The following SOX5 variants were observed in gnomAD, a reference collection of about 807,000 sequenced individuals.
The protein encoded by SOX5 is SRY-box transcription factor 5.
SOX5 carries 9 observed loss-of-function variants against 92.0 expected under a neutral mutation model. That is an observed-to-expected ratio of 0.10 (90% confidence interval 0.06 to 0.17). SOX5 has a LOEUF of 0.17. SOX5 is among the 10% of genes least tolerant of loss of function. The pLI is 1.00. For missense variants in SOX5, 642 were observed against 944.5 expected (o/e 0.68, Z 4.20); for synonymous variants, 344 against 336.3 (o/e 1.02, Z -0.25).
chr12:24,399,651 A>G lies in SOX5; in HGVS notation c.-250-31012T>C, dbSNP rs549312426. ...AACAATTGTTGAGAAGAACGCACAT[A>G]TAAGTCTGGTTATTTTGAATTGCCA... On this transcript the variant is annotated intron_variant, in intron 1 of 4. Coordinates refer to the SOX5 transcript ENST00000446891. Among the ~76,000 whole-genome samples the G allele has an allele frequency of 1.9e-4, 29 of 152,352 alleles. No homozygotes were observed. In the South Asian group the frequency reaches 5.6e-3, roughly 29 times the overall value.
At chr12:24,477,631 T>A (rs1221145166) in intron 1 of SOX5, among the ~76,000 whole-genome samples, 2 of 152,200 alleles carry the variant, frequency 1.3e-5, no homozygotes. Context: ...AGTGTAATTA[T>A]AAGAAACTAC....
At chr12:23,994,487 G>A (rs527370478) in intron 4 of SOX5, among the ~76,000 whole-genome samples, 3 of 152,138 alleles carry the variant, frequency 2.0e-5, no homozygotes, top group Non-Finnish European at 2.9e-5. Flanking sequence ...ATATGTGCCT[G>A]TTATCTGTAT....
At chr12:24,350,636 G>A (rs969441875) in intron 2 of SOX5, among the ~76,000 whole-genome samples, 28 of 152,146 alleles carry the variant, frequency 1.8e-4, no homozygotes, top group African/African-American at 6.3e-4. Flanking sequence ...GAGCCACTGC[G>A]CCTGGCCTGG....
chr12:23,549,445 T>TC (rs1437150584), intron 11 of SOX5, among the ~76,000 whole-genome samples: 2 of 151,796 alleles, frequency 1.3e-5, no homozygotes, highest in Non-Finnish European at 2.9e-5. Flanking sequence ...AGCATCCCAT[T>TC]CCCCCATTTA....
chr12:23,535,915 G>A lies in SOX5; in HGVS notation c.1988+538C>T, dbSNP rs577801190. On this transcript the variant is annotated intron_variant, in intron 14 of 14. Transcript: ENST00000451604. The stretch of plus-strand genomic sequence containing the variant: ...CCACGGGAGCATTGTAAAACATCTC[G>A]GAGCTGCGTTCTCAATTCAGAATGA... 4.6e-5 allele frequency among the ~76,000 whole-genome samples: 7 copies of A among 152,210 alleles called. 1 individual carries two copies. Among genetic ancestry groups the A allele is most frequent in the East Asian group, 1.9e-4 (1 of 5,188 alleles).
rs534300902 is a variant in SOX5, at chr12:24,339,254, G to A, written c.-174+29309C>T. Among the ~76,000 whole-genome samples, 8 of 151,920 alleles carry A rather than the reference G, an allele frequency of 5.3e-5. No homozygotes were observed. The South Asian group carries it at 1.7e-3, about 32-fold the overall frequency. On this transcript the variant is annotated intron_variant, in intron 2 of 4. Coordinates refer to the SOX5 transcript ENST00000446891. ...GCAGCCCAGTAGACATATGGAGTATGTGTGGCATGAATTTGACCTCCTCTG... is the reference window on the plus strand; with the variant it reads ...GCAGCCCAGTAGACATATGGAGTATATGTGGCATGAATTTGACCTCCTCTG...
intron 2 of SOX5, among the ~76,000 whole-genome samples, chr12:24,319,950 C>T (rs1595540484): frequency 6.6e-6 from 1 of 152,302 alleles, no homozygotes; most frequent in East Asian, 1.9e-4. Flanking sequence ...TGTTTAGTAA[C>T]TCAGTAGGTT....
intron 1 of SOX5, among the ~76,000 whole-genome samples, chr12:23,939,891 T>C (rs2139493326): frequency 6.6e-6 from 1 of 151,244 alleles, no homozygotes; most frequent in Non-Finnish European, 1.5e-5. Flanking sequence ...TAGTTATTTA[T>C]TTTGAGAAAC....
intron 2 of SOX5, among the ~76,000 whole-genome samples, chr12:24,315,930 G>A (rs1479737179): frequency 1.3e-5 from 2 of 152,200 alleles, no homozygotes; most frequent in East Asian, 1.9e-4. Flanking sequence ...GGAGGCGTGT[G>A]ACTCTTTTTT....
chr12:24,512,360 T>C (rs1199210307), intron 1 of SOX5, among the ~76,000 whole-genome samples: 1 of 152,246 alleles, frequency 6.6e-6, no homozygotes, highest in African/African-American at 2.4e-5. Flanking sequence ...TTTTTGAAAT[T>C]AAGCACAGAA....
At chr12:24,017,799 G>A (rs978149866) in intron 4 of SOX5, among the ~76,000 whole-genome samples, 4 of 151,702 alleles carry the variant, frequency 2.6e-5, no homozygotes, top group Admixed American at 6.6e-5. Flanking sequence ...CCCTATCACC[G>A]TCACTTTCAG....
intron 2 of SOX5, among the ~76,000 whole-genome samples, chr12:24,322,566 T>C (rs1022307186): frequency 4.2e-4 from 64 of 152,172 alleles, no homozygotes; most frequent in African/African-American, 1.5e-3. Context: ...AAATTTTCTT[T>C]CCTCTTGTAA....
chr12:24,135,707 T>C, intron 4 of SOX5, among the ~76,000 whole-genome samples: 1 of 152,108 alleles, frequency 6.6e-6, no homozygotes, highest in East Asian at 1.9e-4. Flanking sequence ...CAGGATGGGA[T>C]CTGGGGATGC....
chr12:23,736,330 C>T (rs554013242), intron 5 of SOX5, among the ~76,000 whole-genome samples: 44 of 151,938 alleles, frequency 2.9e-4, no homozygotes, highest in African/African-American at 5.5e-4. Flanking sequence ...GGCGTGGTGG[C>T]GGGCGCCTGT....
chr12:23,557,893 T>C (rs117304031), intron 11 of SOX5, among the ~76,000 whole-genome samples: 9,233 of 151,632 alleles, frequency 0.061, 407 homozygotes, highest in Non-Finnish European at 0.093. Flanking sequence ...GAGGAATCGC[T>C]TGAACCCTGG....
At chr12:23,730,741 G>A (rs12316720) in intron 6 of SOX5, among the ~76,000 whole-genome samples, 2,456 of 152,266 alleles carry the variant, frequency 0.016, 60 homozygotes, top group African/African-American at 0.056. Context: ...AGATTCTTAT[G>A]GCATTTTCTC....
chr12:23,775,243 G>A (rs1039409447), intron 3 of SOX5, among the ~76,000 whole-genome samples: 7 of 152,162 alleles, frequency 4.6e-5, no homozygotes, highest in Admixed American at 2.6e-4. Context: ...TTTAAAATGC[G>A]CCTTGCATGG....
intron 3 of SOX5, among the ~76,000 whole-genome samples, chr12:24,253,228 G>C (rs751752359): frequency 7.4e-5 from 11 of 149,380 alleles, no homozygotes; most frequent in Non-Finnish European, 1.3e-4. Flanking sequence ...TTGAATTCTT[G>C]TTCAGCTCCT....
chr12:23,973,781 CTCTT>C (rs1948614916), intron 4 of SOX5, among the ~76,000 whole-genome samples: 1 of 152,200 alleles, frequency 6.6e-6, no homozygotes, highest in Non-Finnish European at 1.5e-5. Context: ...TGAGCTCTGT[CTCTT>C]TCTGTCAGAT....
Sources: gnomAD v4.1 joint callset for allele counts (sites outside exome capture counted in the v4.1 genomes callset) on GRCh38, gnomAD v4.1.1 for gene constraint, MANE v1.5 for transcripts, NCBI Gene and HGNC (gene_info 2026-07-23, HGNC 2026-07-21) for gene names.